The following LAMA2 variants were observed in gnomAD, a reference collection of about 807,000 sequenced individuals.
LAMA2 encodes laminin subunit alpha-2.
LAMA2 carries 269 observed loss-of-function variants against 364.8 expected under a neutral mutation model. That is an observed-to-expected ratio of 0.74 (90% CI 0.67 to 0.82). The LOEUF (loss-of-function observed/expected upper bound fraction) is 0.82, where lower values mean the gene tolerates loss of function less well. Ranked by LOEUF, LAMA2 falls within the 40% of genes least tolerant of loss-of-function variation. The pLI, the probability that LAMA2 is intolerant of heterozygous loss-of-function variation, is 0.00. For missense variants in LAMA2, 3,807 were observed against 3,873.2 expected (o/e 0.98, Z 0.45); for synonymous variants, 1,379 against 1,370.6 (o/e 1.01, Z -0.14).
chr6:129,319,435 T>C (rs932814693), intron 27 of LAMA2, among the ~76,000 whole-genome samples: 3 of 152,182 alleles, frequency 2.0e-5, no homozygotes, highest in African/African-American at 7.2e-5. Context: ...ACTAAACTTC[T>C]TATGATTTAT....
chr6:129,199,199 A>G (rs925243974), intron 12 of LAMA2, among the ~76,000 whole-genome samples: 18 of 152,194 alleles, frequency 1.2e-4, no homozygotes, highest in African/African-American at 4.1e-4. Context: ...TTACTTTAAA[A>G]TTAGAAAACC....
chr6:129,276,192 C>G (rs558951064), intron 17 of LAMA2, among the ~76,000 whole-genome samples: 1 of 152,254 alleles, frequency 6.6e-6, no homozygotes, highest in South Asian at 2.1e-4. Flanking sequence ...AGCTTCTCCA[C>G]TGACATTGTG....
rs147563245 is a variant in LAMA2, at chr6:129,210,384, C to A, written c.1782+17531C>A. On this transcript the variant is annotated intron_variant, in intron 12 of 64. Coordinates refer to ENST00000421865, the MANE Select transcript of LAMA2 (RefSeq NM_000426.4). Reference sequence around the variant, plus strand: ...TTTATTTATCAATCTCATTAGAAACCGAACCACGCATGTGCACGCACACAC... The same window carrying A: ...TTTATTTATCAATCTCATTAGAAACAGAACCACGCATGTGCACGCACACAC... Among the ~76,000 whole-genome samples the A allele has an allele frequency of 2.3e-4, 33 of 145,070 alleles. No individual in the cohort carries two copies. The East Asian group carries it at 6.1e-3, about 27-fold the overall frequency.
At chr6:129,113,545 C>T (rs941416076) in intron 4 of LAMA2, among the ~76,000 whole-genome samples, 1 of 151,960 alleles carries the variant, frequency 6.6e-6, no homozygotes, top group Non-Finnish European at 1.5e-5. Context: ...GACATACCCT[C>T]TACTAGTTAA....
Position 129,315,887 on chromosome 6 carries a change from C to T in LAMA2, c.3861C>T (p.Ile1287=), listed in dbSNP as rs138702650. 14 of 1,613,960 alleles carry T rather than the reference C, an allele frequency of 8.7e-6. No individual in the cohort carries two copies. The highest frequency in any genetic ancestry group is 5.0e-5 in the Admixed American group (3 of 60,002). Residue 1287 remains isoleucine (I), a synonymous_variant, in exon 26 of 65, where the codon ATC becomes ATT. Transcript: ENST00000421865. ...GGACACCTACTCATGCTAGAATTATCGTCAGGCATATGGCTGCTCCTCTGA... is the reference window on the plus strand; with the variant it reads ...GGACACCTACTCATGCTAGAATTATTGTCAGGCATATGGCTGCTCCTCTGA... ...RGGTPTHARI[I]VRHMAAPLIG... is the part of the protein sequence containing the mutation.
chr6:129,251,072 C>CTATATATATA (rs1786187013), intron 13 of LAMA2, among the ~76,000 whole-genome samples: 5 of 65,078 alleles, frequency 7.7e-5, no homozygotes, highest in African/African-American at 2.1e-4. Flanking sequence ...CTCTCTCTCT[C>CTATATATATA]TCTCTATATA....
intron 1 of LAMA2, among the ~76,000 whole-genome samples, chr6:129,013,964 T>C (rs768803817): frequency 2.0e-5 from 3 of 152,086 alleles, no homozygotes; most frequent in Non-Finnish European, 4.4e-5. Flanking sequence ...ATAGTACTTA[T>C]TAATGGCCCA....
chr6:129,191,044 G>C (rs112846310), intron 11 of LAMA2, among the ~76,000 whole-genome samples: 3 of 152,156 alleles, frequency 2.0e-5, no homozygotes, highest in Non-Finnish European at 2.9e-5. Context: ...AGCCTGTGTG[G>C]CTGGACTTAA....
At chr6:128,955,986 A>G (rs775866006) in intron 1 of LAMA2, among the ~76,000 whole-genome samples, 4 of 151,970 alleles carry the variant, frequency 2.6e-5, no homozygotes, top group Non-Finnish European at 4.4e-5. Context: ...CAGCTGATCA[A>G]AACACATGAA....
intron 34 of LAMA2, among the ~76,000 whole-genome samples, chr6:129,382,818 C>T (rs777649221): frequency 1.8e-4 from 27 of 152,190 alleles, no homozygotes; most frequent in Non-Finnish European, 2.6e-4. Flanking sequence ...GGACTTTTGG[C>T]ATCTGTACCT....
At chr6:129,011,847 A>G (rs1036176103) in intron 1 of LAMA2, among the ~76,000 whole-genome samples, 2 of 152,236 alleles carry the variant, frequency 1.3e-5, no homozygotes, top group African/African-American at 4.8e-5. Flanking sequence ...AAGGGTAGGT[A>G]GAATTGTAAA....
chr6:129,440,985 TCCTTCCAAGAA>T lies in LAMA2; in HGVS notation c.6257_6267del (p.Pro2086GlnfsTer18). 6.2e-7 allele frequency: 1 copy of T among 1,613,310 alleles called. No homozygotes were observed. Among genetic ancestry groups the T allele is most frequent in the East Asian group, 2.2e-5 (1 of 44,830 alleles). On this transcript the variant is annotated frameshift_variant and splice_region_variant, in exon 43 of 65. Coordinates refer to ENST00000421865, the MANE Select transcript of LAMA2 (RefSeq NM_000426.4). LOFTEE classifies it high-confidence loss of function. ...CCAAAACGAATGCTGTGGTTAAAGA[TCCTTCCAAGAA>T]CAGTAAGATCTCCTTTTTCATTGTG... is the stretch of plus-strand genomic sequence containing the variant.
rs564117624 is a variant in LAMA2, at chr6:129,440,550, A to G, written c.6086-266A>G. On this transcript the variant is annotated intron_variant, in intron 42 of 64. Transcript: ENST00000421865. Reference sequence around the variant, plus strand: ...TGAATAAGTTCAGCAGCAAATCACAATATGATCTTATACAATGAACATTTA... The same window carrying G: ...TGAATAAGTTCAGCAGCAAATCACAGTATGATCTTATACAATGAACATTTA... 1.9e-3 allele frequency among the ~76,000 whole-genome samples: 287 copies of G among 152,274 alleles called. 1 individual carries two copies. The highest frequency in any genetic ancestry group is 6.7e-3 in the African/African-American group (277 of 41,556).
At position 129,384,363 on chromosome 6, in the gene LAMA2, A is replaced by G. The variant is rs146133312; in HGVS notation, c.5071+1130A>G. On this transcript the variant is annotated intron_variant, in intron 35 of 64. Transcript: ENST00000421865. ...ACCTTCACTCTGAGCGGATCCCCAA[A>G]GGCCCTAGTCAATGCTCCAGGAACT... Among the ~76,000 whole-genome samples the G allele has an allele frequency of 2.2e-4, 33 of 152,320 alleles. No individual in the cohort carries two copies. In the East Asian group the frequency reaches 5.8e-3, roughly 27 times the overall value.
intron 22 of LAMA2, among the ~76,000 whole-genome samples, chr6:129,310,313 T>C (rs1774139072): frequency 6.6e-6 from 1 of 152,178 alleles, no homozygotes; most frequent in Non-Finnish European, 1.5e-5. Flanking sequence ...AGCAAACTAC[T>C]GTTAGCAGGA....
intron 8 of LAMA2, among the ~76,000 whole-genome samples, chr6:129,159,497 G>A (rs964474952): frequency 3.3e-5 from 5 of 152,192 alleles, no homozygotes; most frequent in Non-Finnish European, 7.3e-5. Flanking sequence ...TTTCCTCATC[G>A]ATTCGGGAGC....
chr6:129,286,254 G>A (rs1490393), intron 18 of LAMA2, among the ~76,000 whole-genome samples: 151,334 of 152,002 alleles, frequency 1, 75,340 homozygotes, highest in Middle Eastern at 1. Context: ...CTTTATCTTG[G>A]TAAGATGGCA....
chr6:129,060,208 T>C (rs527898822), intron 3 of LAMA2, among the ~76,000 whole-genome samples: 2 of 152,326 alleles, frequency 1.3e-5, no homozygotes, highest in Non-Finnish European at 2.9e-5. Context: ...AACAAAAATA[T>C]AATAGTATCA....
intron 1 of LAMA2, among the ~76,000 whole-genome samples, chr6:129,036,107 T>C (rs1786624128): frequency 6.6e-6 from 1 of 152,192 alleles, no homozygotes; most frequent in Non-Finnish European, 1.5e-5. Context: ...TGATTCTTTC[T>C]ATCCATGAGC....
Sources: gnomAD v4.1 joint callset for allele counts (sites outside exome capture counted in the v4.1 genomes callset) on GRCh38, gnomAD v4.1.1 for gene constraint, MANE v1.5 for transcripts, NCBI Gene and HGNC (gene_info 2026-07-23, HGNC 2026-07-21) for gene names.